Variants in NTNG1 observed in about 807,000 individuals in gnomAD.
NTNG1 encodes netrin G1.
A neutral mutation model predicts 54.0 loss-of-function variants in NTNG1; 16 were observed. The observed-to-expected ratio is 0.30, with a 90% CI of 0.20 to 0.45. The LOEUF is 0.45. Ranked by LOEUF, NTNG1 falls within the 20% of genes least tolerant of loss-of-function variation. The probability of loss-of-function intolerance (pLI) is 1.00; values close to 1 mark genes in which losing one functional copy is unlikely to be tolerated. For synonymous variants in NTNG1, 255 were observed against 263.1 expected (o/e 0.97, Z 0.30); for missense variants, 530 against 678.7 (o/e 0.78, Z 2.43).
chr1:107,403,530 CA>C, intron 4 of NTNG1: 1 of 152,398 alleles, frequency 6.6e-6, no homozygotes, highest in Non-Finnish European at 1.5e-5. Context: ...GCCAGTACGG[CA>C]AAACCCCATC....
chr1:107,274,390 TAAC>T (rs1206270436), intron 2 of NTNG1, among the ~76,000 whole-genome samples: 1 of 152,234 alleles, frequency 6.6e-6, no homozygotes, highest in African/African-American at 2.4e-5. Flanking sequence ...AGAGCAGTAA[TAAC>T]AACTGGAAAC....
intron 2 of NTNG1, among the ~76,000 whole-genome samples, chr1:107,155,601 C>G (rs1263344334): frequency 6.6e-6 from 1 of 152,112 alleles, no homozygotes; most frequent in Non-Finnish European, 1.5e-5. Context: ...TATTCTGACT[C>G]TTTAAGTGGG....
chr1:107,210,552 A>C (rs141685582), intron 2 of NTNG1, among the ~76,000 whole-genome samples: 1 of 152,206 alleles, frequency 6.6e-6, no homozygotes, highest in Non-Finnish European at 1.5e-5. Flanking sequence ...AGCTCAGGCT[A>C]TCCTCAAGCT....
At chr1:107,176,698 A>G (rs1656676978) in intron 2 of NTNG1, among the ~76,000 whole-genome samples, 1 of 152,178 alleles carries the variant, frequency 6.6e-6, no homozygotes. Context: ...CTGTATTTTC[A>G]AAGGTTTTTG....
intron 7 of NTNG1, among the ~76,000 whole-genome samples, chr1:107,453,333 T>C (rs974893185): frequency 6.6e-6 from 1 of 152,202 alleles, no homozygotes; most frequent in Non-Finnish European, 1.5e-5. Context: ...CAGAAAATAA[T>C]GTTCCTCTAG....
At chr1:107,209,896 T>TCA (rs1659490702) in intron 2 of NTNG1, among the ~76,000 whole-genome samples, 1 of 148,962 alleles carries the variant, frequency 6.7e-6, no homozygotes, top group Admixed American at 6.6e-5. Flanking sequence ...GACTTCTTTT[T>TCA]TTTTTTTTTT....
At chr1:107,373,599 C>G (rs973694926) in intron 3 of NTNG1, among the ~76,000 whole-genome samples, 13 of 148,172 alleles carry the variant, frequency 8.8e-5, no homozygotes, top group African/African-American at 2.2e-4. Flanking sequence ...TAAAGGACTT[C>G]CTTTAACATT....
At chr1:107,387,906 T>A (rs1382610981) in intron 3 of NTNG1, among the ~76,000 whole-genome samples, 3 of 152,178 alleles carry the variant, frequency 2.0e-5, no homozygotes, top group Non-Finnish European at 2.9e-5. Flanking sequence ...ATAGAGACTG[T>A]CTCCCTCTGA....
At chr1:107,281,262 C>G (rs958999169) in intron 2 of NTNG1, among the ~76,000 whole-genome samples, 7 of 151,994 alleles carry the variant, frequency 4.6e-5, no homozygotes, top group Admixed American at 3.3e-4. Context: ...CTTCAGAGCC[C>G]CCAGTAGAGT....
At chr1:107,166,405 C>T (rs773948377) in intron 2 of NTNG1, among the ~76,000 whole-genome samples, 35 of 152,106 alleles carry the variant, frequency 2.3e-4, no homozygotes, top group Non-Finnish European at 4.4e-4. Context: ...ATACTACCAT[C>T]GTTTCTTATA....
intron 2 of NTNG1, among the ~76,000 whole-genome samples, chr1:107,212,451 G>A (rs1310098368): frequency 6.6e-6 from 1 of 152,110 alleles, no homozygotes; most frequent in African/African-American, 2.4e-5. Context: ...TAGCTAGTAA[G>A]TTTTGAAAGT....
chr1:107,368,606 T>C (rs1670734227), intron 3 of NTNG1, among the ~76,000 whole-genome samples: 1 of 152,234 alleles, frequency 6.6e-6, no homozygotes, highest in South Asian at 2.1e-4. Flanking sequence ...GTACTGCCTA[T>C]GTAACAGCAT....
chr1:107,338,642 A>C (rs1668728869), intron 3 of NTNG1, among the ~76,000 whole-genome samples: 1 of 151,962 alleles, frequency 6.6e-6, no homozygotes, highest in Non-Finnish European at 1.5e-5. Flanking sequence ...AGCACCTCCC[A>C]AAATTACACC....
rs755665697 is a variant in NTNG1 at position 107,261,455 on chromosome 1, A to T, written c.247-62827A>T. The stretch of plus-strand genomic sequence containing the variant: ...TTTGTCTGCATGTTTCACAGGATTT[A>T]AAAAAAAAAAGCTCTTCAGAAGATT... On this transcript the variant is annotated intron_variant, in intron 2 of 7. Coordinates refer to ENST00000370068, the MANE Select transcript of NTNG1 (RefSeq NM_001113226.3). Among the ~76,000 whole-genome samples, 52 of 145,452 alleles carry T rather than the reference A, an allele frequency of 3.6e-4. No individual in the cohort carries two copies. In the East Asian group the frequency reaches 6.9e-3, roughly 19 times the overall value.
intron 2 of NTNG1, among the ~76,000 whole-genome samples, chr1:107,314,353 C>T (rs373220847): frequency 4.6e-5 from 7 of 152,084 alleles, no homozygotes; most frequent in African/African-American, 1.7e-4. Context: ...GAGCCAAGAT[C>T]GCACCACTGC....
intron 2 of NTNG1, among the ~76,000 whole-genome samples, chr1:107,283,914 A>G (rs1290866781): frequency 2.0e-5 from 3 of 152,152 alleles, no homozygotes; most frequent in East Asian, 1.9e-4. Flanking sequence ...ATATTGCTAT[A>G]TCTTTCTTTT....
At chr1:107,358,354 A>C (rs1182446411) in intron 3 of NTNG1, among the ~76,000 whole-genome samples, 4 of 149,894 alleles carry the variant, frequency 2.7e-5, no homozygotes, top group African/African-American at 9.9e-5. Context: ...AGGAGATAGT[A>C]CTTAATTTTT....
intron 3 of NTNG1, among the ~76,000 whole-genome samples, chr1:107,394,880 A>T (rs1339466193): frequency 6.6e-6 from 1 of 152,222 alleles, no homozygotes; most frequent in African/African-American, 2.4e-5. Context: ...GAGCACAGTT[A>T]TCTTGCGGGA....
chr1:107,282,696 C>T lies in NTNG1; in HGVS notation c.247-41586C>T, dbSNP rs75765377. Among the ~76,000 whole-genome samples the T allele has an allele frequency of 1.1e-4, 17 of 152,248 alleles. No homozygotes were observed. In the East Asian group the frequency reaches 3.1e-3, roughly 28 times the overall value. Reference sequence around the variant, plus strand: ...GGTTCTAGTTAGCTTCAGATCCCAACGATTATATTATAGCACTGTCCTTCA... The same window carrying T: ...GGTTCTAGTTAGCTTCAGATCCCAATGATTATATTATAGCACTGTCCTTCA... On this transcript the variant is annotated intron_variant, in intron 2 of 7. Coordinates refer to ENST00000370068, the MANE Select transcript of NTNG1 (RefSeq NM_001113226.3).
Sources: allele counts gnomAD v4.1 joint callset (sites outside exome capture counted in the v4.1 genomes callset), GRCh38; gene constraint gnomAD v4.1.1; transcripts MANE v1.5; gene names NCBI Gene and HGNC (gene_info 2026-07-23, HGNC 2026-07-21).